The following FARP1 variants were observed in gnomAD, a reference collection of about 807,000 sequenced individuals.
The protein encoded by FARP1 is FERM, ARH/RhoGEF and pleckstrin domain protein 1.
Under a neutral mutation model 128.8 loss-of-function variants are expected in FARP1, and 52 were observed. The observed-to-expected ratio is 0.40, with a 90% CI of 0.32 to 0.51. The LOEUF (loss-of-function observed/expected upper bound fraction) is 0.51. Among genes scored for constraint, FARP1 ranks in the 20% least tolerant of loss-of-function variants. The pLI is 0.45. For missense variants in FARP1, 1,333 were observed against 1,367.9 expected, an observed-to-expected ratio of 0.97 and a Z score of 0.40; for synonymous variants, 580 against 551.8, an observed-to-expected ratio of 1.05 and a Z score of -0.72.
At chr13:98,299,473 C>T (rs2139693372) in intron 2 of FARP1, among the ~76,000 whole-genome samples, 1 of 152,286 alleles carries the variant, frequency 6.6e-6, no homozygotes, top group African/African-American at 2.4e-5. Flanking sequence ...ATTACGCCTT[C>T]AAATTATTCC....
At position 98,368,137 on chromosome 13, in the gene FARP1, A is replaced by C. The variant is rs1889178746; in HGVS notation, c.340A>C (p.Lys114Gln). 6.2e-7 allele frequency: 1 copy of C among 1,613,886 alleles called. No homozygotes were observed. Among genetic ancestry groups the C allele is most frequent in the Non-Finnish European group, 8.5e-7 (1 of 1,179,852 alleles). ...QIRRPKHVVV[K>Q]FVVKFFPPDH... ...TTTAGGGCCAAAGCACGTTGTTGTT[A>C]AGTTTGTGGTGAAATTCTTTCCGCC... The change falls in exon 5 of 27, where the codon AAG (lysine) becomes CAG (glutamine). Residue 114 changes from lysine (K) to glutamine (Q), a missense_variant. By Grantham distance (53) the Lys-to-Gln change is moderately conservative. Transcript: ENST00000319562.
At chr13:98,385,848 G>C (rs1475993764) in intron 8 of FARP1, 34 bp downstream of exon 8, 1 of 1,608,426 alleles carries the variant, frequency 6.2e-7, no homozygotes, top group Non-Finnish European at 8.5e-7. Context: ...TGGTTCCCTT[G>C]GTGACAGAGA....
Position 98,453,531 on chromosome 13 carries a change from A to G in FARP1, c.*5214A>G, listed in dbSNP as rs1338789576. 7.6e-6 allele frequency: 2 copies of G among 264,560 alleles called. No individual in the cohort carries two copies. Among genetic ancestry groups the G allele is most frequent in the East Asian group, 1.7e-4 (2 of 11,898 alleles). The allele number at this position is 264,560 out of a possible 1,614,324, so 16.4% of individuals were successfully genotyped here. A position where few individuals can be genotyped will look rare whatever the true frequency, so the allele number is the denominator to read the frequency against. On this transcript the variant is annotated 3_prime_UTR_variant, in exon 27 of 27. Transcript: ENST00000319562. ...TCAAAAAGTGAACATTGATCCATAC[A>G]TGATGACACAGTAAGATTCCAGGGA...
chr13:98,320,965 T>C (rs901319301), intron 2 of FARP1, among the ~76,000 whole-genome samples: 3 of 152,128 alleles, frequency 2.0e-5, no homozygotes, highest in African/African-American at 7.2e-5. Context: ...TTTGAGAAGG[T>C]GCAGGTGACC....
At chr13:98,336,519 G>A (rs1290243728) in intron 2 of FARP1, among the ~76,000 whole-genome samples, 8 of 152,118 alleles carry the variant, frequency 5.3e-5, no homozygotes, top group African/African-American at 9.7e-5. Flanking sequence ...TGATTCACCC[G>A]CCTTGGCCTC....
At chr13:98,214,953 G>C (rs1328785672) in intron 2 of FARP1, among the ~76,000 whole-genome samples, 1 of 152,096 alleles carries the variant, frequency 6.6e-6, no homozygotes, top group East Asian at 1.9e-4. Context: ...GTTTCCTGTT[G>C]AGCACTGTGA....
intron 2 of FARP1, among the ~76,000 whole-genome samples, chr13:98,260,917 G>T (rs1883848761): frequency 6.6e-6 from 1 of 152,196 alleles, no homozygotes; most frequent in South Asian, 2.1e-4. Context: ...AGGGCCTTCA[G>T]TGTCAATCAG....
chr13:98,229,610 C>A (rs1881992948), intron 2 of FARP1, among the ~76,000 whole-genome samples: 2 of 151,838 alleles, frequency 1.3e-5, no homozygotes, highest in South Asian at 4.2e-4. Flanking sequence ...AAGCGGTCCT[C>A]CCACCCCAGC....
chr13:98,235,056 A>G (rs1325450771), intron 2 of FARP1, among the ~76,000 whole-genome samples: 2 of 152,200 alleles, frequency 1.3e-5, no homozygotes, highest in Non-Finnish European at 2.9e-5. Flanking sequence ...AATAAAAAGT[A>G]GGTAGTTTGG....
intron 1 of FARP1, among the ~76,000 whole-genome samples, chr13:98,148,490 C>T (rs1376276774): frequency 1.3e-5 from 2 of 152,130 alleles, no homozygotes; most frequent in African/African-American, 4.8e-5. Context: ...TTTTATATAG[C>T]CTTCTCATTT....
At chr13:98,415,926 T>C (rs1166034282) in intron 16 of FARP1, among the ~76,000 whole-genome samples, 13 of 152,382 alleles carry the variant, frequency 8.5e-5, no homozygotes, top group Admixed American at 6.5e-4. Context: ...TGAACCGCAT[T>C]TCCTCCTGGG....
chr13:98,444,838 C>G lies in FARP1; in HGVS notation c.2797-1260C>G, dbSNP rs116591731. ...CTAGGAAAGGGGAGTGTGCCACCCTCCTTGCTCCATGTTGCGTGACCCAAG... is the reference window on the plus strand; with the variant it reads ...CTAGGAAAGGGGAGTGTGCCACCCTGCTTGCTCCATGTTGCGTGACCCAAG... On this transcript the variant is annotated intron_variant, in intron 24 of 26. Transcript: ENST00000319562. Among the ~76,000 whole-genome samples, 815 of 152,300 alleles carry G rather than the reference C, an allele frequency of 5.4e-3. 9 individuals carry two copies. The highest frequency in any genetic ancestry group is 0.019 in the African/African-American group (779 of 41,558).
At chr13:98,400,004 T>A (rs1237604140) in intron 13 of FARP1, 1 of 152,190 alleles carries the variant, frequency 6.6e-6, no homozygotes, top group Non-Finnish European at 1.5e-5. Flanking sequence ...TAGATAGGCG[T>A]TTAATTAGAG....
chr13:98,430,812 C>T (rs753104367), intron 17 of FARP1, among the ~76,000 whole-genome samples: 22 of 152,178 alleles, frequency 1.4e-4, no homozygotes, highest in Middle Eastern at 3.2e-3. Context: ...ATTTTATGAT[C>T]CATGTGTATT....
chr13:98,214,900 G>A (rs1880969876), intron 2 of FARP1, among the ~76,000 whole-genome samples: 1 of 152,118 alleles, frequency 6.6e-6, no homozygotes, highest in South Asian at 2.1e-4. Flanking sequence ...CCACTTTTTT[G>A]TCTTTGTTGC....
intron 2 of FARP1, among the ~76,000 whole-genome samples, chr13:98,258,660 C>A (rs1289920993): frequency 6.6e-6 from 1 of 151,504 alleles, no homozygotes; most frequent in Non-Finnish European, 1.5e-5. Flanking sequence ...TCAAGAGCAA[C>A]CTGGGCAACA....
intron 16 of FARP1, among the ~76,000 whole-genome samples, chr13:98,413,844 CAT>C (rs1341552264): frequency 3.3e-5 from 5 of 152,196 alleles, no homozygotes; most frequent in Admixed American, 2.6e-4. Context: ...GCCAGCGAGA[CAT>C]GTGTTAGTAC....
chr13:98,427,137 T>A (rs1288983377), intron 17 of FARP1, among the ~76,000 whole-genome samples: 1 of 151,930 alleles, frequency 6.6e-6, no homozygotes, highest in Non-Finnish European at 1.5e-5. Flanking sequence ...CAGAACAGTT[T>A]CCCTGCCCTA....
rs1444794977 is a variant in FARP1 at position 98,256,952 on chromosome 13, T to G, written c.171+43539T>G. On this transcript the variant is annotated intron_variant, in intron 2 of 26. Coordinates refer to ENST00000319562, the MANE Select transcript of FARP1 (RefSeq NM_005766.4). ...AATTTTCAAAGTATATATGTGGATA[T>G]ATATATATATATATATATATATATA... Among the ~76,000 whole-genome samples the G allele has an allele frequency of 3.8e-4, 12 of 31,890 alleles. 1 individual carries two copies. The East Asian group carries it at 0.016, about 42-fold the overall frequency. 20.9% of individuals were successfully genotyped at this position (31,890 alleles called of 152,430 possible). A position where few individuals can be genotyped will look rare whatever the true frequency, so the allele number is the denominator to read the frequency against.
Sources: allele counts gnomAD v4.1 joint callset (sites outside exome capture counted in the v4.1 genomes callset), GRCh38; gene constraint gnomAD v4.1.1; transcripts MANE v1.5; gene names NCBI Gene and HGNC (gene_info 2026-07-23, HGNC 2026-07-21).